The following UNC5D variants were observed in gnomAD, a reference collection of about 807,000 sequenced individuals.
The protein encoded by UNC5D is netrin receptor UNC5D.
Under a neutral mutation model 105.4 loss-of-function variants are expected in UNC5D, and 39 were observed. That is an observed-to-expected ratio of 0.37 (90% CI 0.29 to 0.48). The LOEUF (loss-of-function observed/expected upper bound fraction) is 0.48. UNC5D is among the 20% of genes least tolerant of loss of function. UNC5D has a pLI of 0.98. For synonymous variants in UNC5D, 452 were observed against 450.4 expected (o/e 1.00, Z -0.04); for missense variants, 991 against 1,202.4 (o/e 0.82, Z 2.60).
rs544892497 is a variant in UNC5D, at chr8:35,518,883, C to T, written c.104-30409C>T. Among the ~76,000 whole-genome samples, 7 of 152,178 alleles carry T rather than the reference C, an allele frequency of 4.6e-5. No homozygotes were observed. The South Asian group carries it at 6.2e-4, about 14-fold the overall frequency. The stretch of plus-strand genomic sequence containing the variant: ...ATTCTCTTTACCTTTAGAAAGAATA[C>T]TAGAGTAGGAGTCCACAGATCCCTT... On this transcript the variant is annotated intron_variant, in intron 1 of 16. Transcript: ENST00000404895.
At chr8:35,476,093 G>T (rs1810075861) in intron 1 of UNC5D, among the ~76,000 whole-genome samples, 2 of 152,322 alleles carry the variant, frequency 1.3e-5, no homozygotes, top group African/African-American at 4.8e-5. Flanking sequence ...ATTTAAGGCA[G>T]TTGTGCTATG....
chr8:35,484,832 T>C (rs1341057670), intron 1 of UNC5D, among the ~76,000 whole-genome samples: 1 of 152,152 alleles, frequency 6.6e-6, no homozygotes, highest in Non-Finnish European at 1.5e-5. Flanking sequence ...GATGGCATTG[T>C]TATCACCATC....
At chr8:35,692,773 A>G (rs75004124) in intron 7 of UNC5D, among the ~76,000 whole-genome samples, 4,250 of 152,346 alleles carry the variant, frequency 0.028, 174 homozygotes, top group East Asian at 0.096. Context: ...TTATGTGGCC[A>G]TGAAGCATCC....
intron 16 of UNC5D, 68 bp downstream of exon 16, chr8:35,774,545 G>A: frequency 1.3e-6 from 2 of 1,565,132 alleles, no homozygotes; most frequent in Non-Finnish European, 8.7e-7. Context: ...TGGGCTAAGT[G>A]AAACCATGTA....
chr8:35,602,224 A>G (rs1284292928), intron 4 of UNC5D, among the ~76,000 whole-genome samples: 2 of 152,110 alleles, frequency 1.3e-5, no homozygotes, highest in African/African-American at 2.4e-5. Context: ...GAATTTTTGC[A>G]TCAGTGTTCA....
chr8:35,574,778 C>A (rs1290289511), intron 3 of UNC5D, among the ~76,000 whole-genome samples: 1 of 152,136 alleles, frequency 6.6e-6, no homozygotes, highest in African/African-American at 2.4e-5. Flanking sequence ...CCAATGATAT[C>A]CCTGCAAGTG....
At chr8:35,637,697 A>G (rs1822469135) in intron 4 of UNC5D, among the ~76,000 whole-genome samples, 1 of 152,226 alleles carries the variant, frequency 6.6e-6, no homozygotes, top group East Asian at 1.9e-4. Context: ...CTCTGTTTGC[A>G]TTGCCATCTC....
At chr8:35,498,386 A>G (rs1216878772) in intron 1 of UNC5D, among the ~76,000 whole-genome samples, 1 of 152,166 alleles carries the variant, frequency 6.6e-6, no homozygotes, top group African/African-American at 2.4e-5. Context: ...GATATGTGCA[A>G]TGTAAATCTG....
intron 1 of UNC5D, among the ~76,000 whole-genome samples, chr8:35,243,894 A>T (rs950177489): frequency 5.3e-5 from 8 of 152,214 alleles, no homozygotes; most frequent in Non-Finnish European, 1.0e-4. Context: ...ATAAAATTTC[A>T]AAAATCTAAT....
chr8:35,434,711 A>G (rs1414188006), intron 1 of UNC5D, among the ~76,000 whole-genome samples: 2 of 152,158 alleles, frequency 1.3e-5, no homozygotes, highest in African/African-American at 4.8e-5. Flanking sequence ...ATTAGGAGGC[A>G]TATATTTTTC....
At chr8:35,683,988 G>A (rs1187491489) in intron 5 of UNC5D, among the ~76,000 whole-genome samples, 1 of 152,030 alleles carries the variant, frequency 6.6e-6, no homozygotes, top group Non-Finnish European at 1.5e-5. Flanking sequence ...ATAAAAAGCT[G>A]TTTATTTTCT....
intron 1 of UNC5D, among the ~76,000 whole-genome samples, chr8:35,272,691 G>C (rs1346468626): frequency 6.6e-6 from 1 of 152,302 alleles, no homozygotes; most frequent in Admixed American, 6.5e-5. Context: ...CAGGGGTGCT[G>C]TAGGACTCAG....
intron 2 of UNC5D, among the ~76,000 whole-genome samples, chr8:35,558,140 A>G (rs2130737285): frequency 6.6e-6 from 1 of 151,668 alleles, no homozygotes; most frequent in East Asian, 1.9e-4. Flanking sequence ...AAAAAAAAAA[A>G]AAAAAAGTCT....
At chr8:35,418,146 A>T (rs1354499382) in intron 1 of UNC5D, among the ~76,000 whole-genome samples, 2 of 151,930 alleles carry the variant, frequency 1.3e-5, no homozygotes, top group East Asian at 3.9e-4. Flanking sequence ...TTACTTTATT[A>T]AAAAAAATTC....
At chr8:35,650,415 C>T (rs953810398) in intron 4 of UNC5D, among the ~76,000 whole-genome samples, 1 of 152,132 alleles carries the variant, frequency 6.6e-6, no homozygotes, top group Non-Finnish European at 1.5e-5. Context: ...CCTTAATGAT[C>T]ACTACTGTGG....
intron 1 of UNC5D, among the ~76,000 whole-genome samples, chr8:35,489,530 A>G (rs1811064074): frequency 6.6e-6 from 1 of 152,152 alleles, no homozygotes; most frequent in Non-Finnish European, 1.5e-5. Context: ...AACACTAGGG[A>G]TGTGCAGACA....
At chr8:35,722,463 C>G in intron 9 of UNC5D, 68 bp downstream of exon 9, 1 of 1,533,570 alleles carries the variant, frequency 6.5e-7, no homozygotes, top group Non-Finnish European at 8.8e-7. Flanking sequence ...TAGACCCCAG[C>G]CTTCTCCTGG....
chr8:35,482,026 T>C (rs1010828631), intron 1 of UNC5D, among the ~76,000 whole-genome samples: 2 of 152,152 alleles, frequency 1.3e-5, no homozygotes, highest in African/African-American at 2.4e-5. Context: ...TATAGATAGA[T>C]AGATGATAGA....
chr8:35,566,795 C>A (rs1052151088), intron 2 of UNC5D, among the ~76,000 whole-genome samples: 7 of 152,200 alleles, frequency 4.6e-5, no homozygotes, highest in African/African-American at 1.7e-4. Context: ...TAAGCATTGC[C>A]TCTTTTTCTC....
Sources: gnomAD v4.1 joint callset for allele counts (sites outside exome capture counted in the v4.1 genomes callset) on GRCh38, gnomAD v4.1.1 for gene constraint, MANE v1.5 for transcripts, NCBI Gene and HGNC (gene_info 2026-07-23, HGNC 2026-07-21) for gene names.